The following PARM1 variants were observed in gnomAD, a reference collection of about 807,000 sequenced individuals.
PARM1 encodes the protein WSC4, cell wall integrity and stress response component 4 homolog.
A neutral mutation model predicts 24.6 loss-of-function variants in PARM1; 14 were observed. The ratio of observed to expected loss-of-function variants is 0.57; its 90% confidence interval spans 0.38 to 0.89. PARM1 has a LOEUF of 0.89. PARM1 is among the 40% of genes least tolerant of loss of function. The pLI, the probability that PARM1 is intolerant of heterozygous loss-of-function variation, is 0.00. For missense variants in PARM1, 362 were observed against 380.4 expected, an observed-to-expected ratio of 0.95 and a Z score of 0.40; for synonymous variants, 179 against 156.6, an observed-to-expected ratio of 1.14 and a Z score of -1.07.
At chr4:74,934,919 A>T (rs1404116766) in intron 1 of PARM1, among the ~76,000 whole-genome samples, 1 of 151,406 alleles carries the variant, frequency 6.6e-6, no homozygotes, top group Admixed American at 6.6e-5. Context: ...CAGCTCTGGC[A>T]GTTGTCAAAA....
chr4:74,964,329 G>T (rs575374224), intron 1 of PARM1, among the ~76,000 whole-genome samples: 1 of 152,294 alleles, frequency 6.6e-6, no homozygotes, highest in Non-Finnish European at 1.5e-5. Context: ...CATGATTGAT[G>T]AGGTCACATT....
intron 1 of PARM1, among the ~76,000 whole-genome samples, chr4:74,985,857 C>G (rs1722345352): frequency 6.6e-6 from 1 of 152,188 alleles, no homozygotes; most frequent in Non-Finnish European, 1.5e-5. Context: ...CAACCTCCAC[C>G]TCCCAGGTTC....
Position 75,046,587 on chromosome 4 carries a change from G to T in PARM1, c.*340G>T. The T allele has an allele frequency of 1.0e-5, 2 of 198,318 alleles. No individual in the cohort carries two copies. Among genetic ancestry groups the T allele is most frequent in the Non-Finnish European group, 2.1e-5 (2 of 96,916 alleles). 12.3% of individuals were successfully genotyped at this position (198,318 alleles called of 1,614,324 possible). A position where few individuals can be genotyped will look rare whatever the true frequency, so the allele number is the denominator to read the frequency against. On this transcript the variant is annotated 3_prime_UTR_variant, in exon 4 of 4. Coordinates refer to ENST00000307428, the MANE Select transcript of PARM1 (RefSeq NM_015393.4). ...GAGGATTTGGGTTGTTTTGTTAGGG[G>T]TTACTTTCAGGGGAACATTTCATTT...
chr4:74,945,379 A>G (rs548488085), intron 1 of PARM1, among the ~76,000 whole-genome samples: 1 of 152,354 alleles, frequency 6.6e-6, no homozygotes, highest in Admixed American at 6.5e-5. Context: ...TAATGTGGCT[A>G]TAGTGACTGC....
At chr4:74,936,363 C>T (rs1329173086) in intron 1 of PARM1, among the ~76,000 whole-genome samples, 4 of 152,264 alleles carry the variant, frequency 2.6e-5, no homozygotes, top group Non-Finnish European at 5.9e-5. Flanking sequence ...CTGGTAGCTT[C>T]CACATTTATC....
chr4:74,963,052 T>A (rs1721812094), intron 1 of PARM1, among the ~76,000 whole-genome samples: 1 of 152,224 alleles, frequency 6.6e-6, no homozygotes, highest in Non-Finnish European at 1.5e-5. Context: ...TTTTCTCTGC[T>A]AGCACTCACT....
At chr4:75,000,497 T>C (rs2109786431) in intron 1 of PARM1, among the ~76,000 whole-genome samples, 1 of 152,346 alleles carries the variant, frequency 6.6e-6, no homozygotes, top group South Asian at 2.1e-4. Flanking sequence ...ATCCTTGGCT[T>C]CACAGGATGG....
intron 1 of PARM1, among the ~76,000 whole-genome samples, chr4:74,935,080 G>T (rs945482478): frequency 1.4e-5 from 2 of 145,252 alleles, no homozygotes; most frequent in African/African-American, 5.1e-5. Context: ...TTGACCCACC[G>T]CTAGAGCGAG....
chr4:75,024,826 A>G (rs1379920679), intron 2 of PARM1, among the ~76,000 whole-genome samples: 1 of 152,022 alleles, frequency 6.6e-6, no homozygotes, highest in Non-Finnish European at 1.5e-5. Context: ...AGCCTCCTGA[A>G]TAGCTGGAAT....
At chr4:74,941,016 A>G (rs761885755) in intron 1 of PARM1, among the ~76,000 whole-genome samples, 2 of 152,210 alleles carry the variant, frequency 1.3e-5, no homozygotes, top group African/African-American at 2.4e-5. Context: ...TGGATTGAAG[A>G]TGTCTTTCTT....
intron 1 of PARM1, among the ~76,000 whole-genome samples, chr4:74,937,816 C>A (rs950599355): frequency 6.6e-6 from 1 of 152,186 alleles, no homozygotes; most frequent in Non-Finnish European, 1.5e-5. Flanking sequence ...GCTGTTCCAG[C>A]AAACCAATGT....
chr4:74,936,958 A>G (rs534415286), intron 1 of PARM1, among the ~76,000 whole-genome samples: 5 of 151,990 alleles, frequency 3.3e-5, no homozygotes, highest in African/African-American at 9.7e-5. Flanking sequence ...AGGACCTTCC[A>G]CCCATTACCC....
intron 1 of PARM1, among the ~76,000 whole-genome samples, chr4:75,007,079 C>T (rs955224139): frequency 2.0e-5 from 3 of 152,162 alleles, no homozygotes; most frequent in African/African-American, 4.8e-5. Flanking sequence ...TGAACAGACA[C>T]TTCTCAAAAG....
At chr4:74,943,043 T>C (rs934425737) in intron 1 of PARM1, among the ~76,000 whole-genome samples, 7 of 152,176 alleles carry the variant, frequency 4.6e-5, no homozygotes, top group African/African-American at 1.7e-4. Flanking sequence ...GAGTATGCTT[T>C]CTCCAGATAC....
intron 1 of PARM1, among the ~76,000 whole-genome samples, chr4:74,936,990 T>G (rs967558884): frequency 1.1e-4 from 17 of 152,132 alleles, no homozygotes; most frequent in African/African-American, 4.1e-4. Context: ...GCAGACGTAT[T>G]GGTCCCTTGG....
At chr4:75,022,960 G>A (rs1192692068) in intron 2 of PARM1, among the ~76,000 whole-genome samples, 1 of 152,152 alleles carries the variant, frequency 6.6e-6, no homozygotes, top group African/African-American at 2.4e-5. Context: ...CAGGTCCTAG[G>A]AGAGAAAAAT....
chr4:75,043,470 C>T lies in PARM1; in HGVS notation c.849-2693C>T, dbSNP rs1723539837. Among the ~76,000 whole-genome samples the T allele has an allele frequency of 2.0e-5, 3 of 152,038 alleles. No individual in the cohort carries two copies. In the South Asian group the frequency reaches 6.2e-4, roughly 31 times the overall value. ...AGAAACAGGGGGTTAAAAACTTATT[C>T]AAGGACATACATTTATTGACCAAAC... On this transcript the variant is annotated intron_variant, in intron 3 of 3. Coordinates refer to ENST00000307428, the MANE Select transcript of PARM1 (RefSeq NM_015393.4).
At chr4:74,934,581 G>T (rs909582774) in intron 1 of PARM1, among the ~76,000 whole-genome samples, 10 of 152,208 alleles carry the variant, frequency 6.6e-5, no homozygotes, top group African/African-American at 2.4e-4. Context: ...TTTCTCGCTG[G>T]TATCTCGGCA....
intron 1 of PARM1, among the ~76,000 whole-genome samples, chr4:74,954,164 C>T (rs1721586774): frequency 1.3e-5 from 2 of 152,172 alleles, no homozygotes. Flanking sequence ...CCAGGAAGAA[C>T]CAAAAGCCTT....
Sources: allele counts gnomAD v4.1 joint callset (sites outside exome capture counted in the v4.1 genomes callset), GRCh38; gene constraint gnomAD v4.1.1; transcripts MANE v1.5; gene names NCBI Gene and HGNC (gene_info 2026-07-23, HGNC 2026-07-21).